OR2L13: variants seen among roughly 807,000 people sequenced by gnomAD.
OR2L13 encodes the protein olfactory receptor family 2 subfamily L member 13.
OR2L13 carries 14 observed loss-of-function variants against 15.3 expected under a neutral mutation model. That is an observed-to-expected ratio of 0.91 (90% CI 0.60 to 1.43). The LOEUF is 1.43. Among genes scored for constraint, OR2L13 ranks in the 40% most tolerant of loss-of-function variants. The pLI is 0.00. For synonymous variants in OR2L13, 152 were observed against 142.9 expected (o/e 1.06, Z -0.45); for missense variants, 367 against 387.9 (o/e 0.95, Z 0.45).
chr1:248,048,121 T>C, the OR2L13 span, among the ~76,000 whole-genome samples: 13 of 152,334 alleles, frequency 8.5e-5, no homozygotes, highest in African/African-American at 2.9e-4. Context: ...AGTTTCTGTC[T>C]AGCCATGGAA....
At chr1:248,033,862 T>C in the OR2L13 span, among the ~76,000 whole-genome samples, 1 of 152,132 alleles carries the variant, frequency 6.6e-6, no homozygotes, top group Non-Finnish European at 1.5e-5. Flanking sequence ...TTCAACATAG[T>C]ATTGGAAGTC....
chr1:248,083,754 G>C, the OR2L13 span: 5 of 1,613,888 alleles, frequency 3.1e-6, no homozygotes, highest in Non-Finnish European at 4.2e-6. Flanking sequence ...GTTTAGTAAA[G>C]GGGTGAACAT....
the OR2L13 span, among the ~76,000 whole-genome samples, chr1:248,015,861 A>C: frequency 6.6e-6 from 1 of 152,194 alleles, no homozygotes; most frequent in African/African-American, 2.4e-5. Flanking sequence ...ATGAATAATG[A>C]TTTCTCTTTG....
chr1:247,999,334 A>G, the OR2L13 span, among the ~76,000 whole-genome samples: 4 of 152,164 alleles, frequency 2.6e-5, no homozygotes, highest in Non-Finnish European at 4.4e-5. Flanking sequence ...ATCCATGGAA[A>G]TGTCTGTCTA....
chr1:247,993,303 A>G, the OR2L13 span, among the ~76,000 whole-genome samples: 1 of 147,950 alleles, frequency 6.8e-6, no homozygotes, highest in Non-Finnish European at 1.5e-5. Flanking sequence ...TACTGTGCAA[A>G]TATTTTTTCC....
the OR2L13 span, chr1:248,051,225 T>C: frequency 1.3e-5 from 2 of 152,088 alleles, no homozygotes; most frequent in Middle Eastern, 6.8e-3. Context: ...TGAATTTCAC[T>C]ACTGTGGGTA....
the OR2L13 span, chr1:248,004,099 C>G: frequency 6.5e-7 from 1 of 1,548,664 alleles, no homozygotes; most frequent in Non-Finnish European, 8.8e-7. Context: ...TTTCAGGACT[C>G]AGATACACAT....
chr1:248,022,139 G>A, the OR2L13 span: 1 of 1,613,892 alleles, frequency 6.2e-7, no homozygotes, highest in Non-Finnish European at 8.5e-7. Context: ...TGCTTAGTCA[G>A]CTCTCCCTCA....
the OR2L13 span, among the ~76,000 whole-genome samples, chr1:248,042,457 T>C: frequency 1.3e-5 from 2 of 152,030 alleles, no homozygotes; most frequent in Admixed American, 6.5e-5. Context: ...TATACATATG[T>C]AAATAACCTG....
At chr1:248,073,350 A>G in the OR2L13 span, among the ~76,000 whole-genome samples, 27 of 152,328 alleles carry the variant, frequency 1.8e-4, no homozygotes, top group Admixed American at 5.9e-4. Flanking sequence ...ATTGGAAATC[A>G]TCTTTCTCAG....
chr1:248,071,934 C>A, the OR2L13 span, among the ~76,000 whole-genome samples: 57 of 151,680 alleles, frequency 3.8e-4, 1 homozygote, highest in African/African-American at 1.3e-3. Flanking sequence ...TGTGAAGGAC[C>A]TCTTCAAGGA....
chr1:247,990,822 C>A, the OR2L13 span: 1 of 1,598,694 alleles, frequency 6.3e-7, no homozygotes, highest in Non-Finnish European at 8.6e-7. Context: ...CTATGTTGAC[C>A]CTAGCCTGCA....
chr1:247,955,410 T>C, the OR2L13 span, among the ~76,000 whole-genome samples: 118,662 of 149,086 alleles, frequency 0.8, 51,418 homozygotes, highest in South Asian at 0.95. Flanking sequence ...AATAAACATA[T>C]GTGTGCATGT....
chr1:247,965,217 AC>A, the OR2L13 span: 1 of 826,916 alleles, frequency 1.2e-6, no homozygotes, highest in Non-Finnish European at 1.8e-6. Context: ...GCCATTTTGT[AC>A]CAGAAAGCAC....
the OR2L13 span, chr1:247,965,324 A>T: frequency 2.0e-6 from 3 of 1,534,168 alleles, no homozygotes; most frequent in Non-Finnish European, 1.7e-6. Flanking sequence ...GGAAGTCAAC[A>T]TTATTACATG....
At chr1:247,989,861 G>T in the OR2L13 span, among the ~76,000 whole-genome samples, 1 of 152,068 alleles carries the variant, frequency 6.6e-6, no homozygotes, top group Non-Finnish European at 1.5e-5. Flanking sequence ...ATAGCCCAAT[G>T]TTGCATTACC....
the OR2L13 span, among the ~76,000 whole-genome samples, chr1:247,963,004 C>T: frequency 4.6e-5 from 7 of 152,084 alleles, no homozygotes; most frequent in East Asian, 3.9e-4. Flanking sequence ...CAGGGCAAAC[C>T]GCAAAATTGA....
the OR2L13 span, among the ~76,000 whole-genome samples, chr1:247,950,174 C>T: frequency 2.6e-5 from 4 of 151,736 alleles, no homozygotes; most frequent in Non-Finnish European, 5.9e-5. Context: ...TAAAACAAAA[C>T]CAAAAATCTC....
At chr1:247,942,313 C>T in the OR2L13 span, among the ~76,000 whole-genome samples, 271 of 152,228 alleles carry the variant, frequency 1.8e-3, no homozygotes, top group African/African-American at 6.1e-3. Context: ...CCTCATTTCC[C>T]TTAATTGCTT....
Sources: gnomAD v4.1 joint callset for allele counts (sites outside exome capture counted in the v4.1 genomes callset) on GRCh38, gnomAD v4.1.1 for gene constraint, MANE v1.5 for transcripts, NCBI Gene and HGNC (gene_info 2026-07-23, HGNC 2026-07-21) for gene names.